TSPOAP1: variants seen among roughly 807,000 people sequenced by gnomAD.
TSPOAP1 encodes the protein peripheral-type benzodiazepine receptor-associated protein 1.
TSPOAP1 carries 87 observed loss-of-function variants against 197.0 expected under a neutral mutation model. The ratio of observed to expected loss-of-function variants is 0.44; its 90% CI spans 0.37 to 0.53. The LOEUF (loss-of-function observed/expected upper bound fraction) is 0.53, where lower values mean the gene tolerates loss of function less well. TSPOAP1 is among the 20% of genes least tolerant of loss of function. TSPOAP1 has a pLI of 0.00. For synonymous variants in TSPOAP1, 913 were observed against 998.9 expected, an observed-to-expected ratio of 0.91 and a Z score of 1.62; for missense variants, 2,174 against 2,411.3, an observed-to-expected ratio of 0.90 and a Z score of 2.06.
Position 58,306,395 on chromosome 17 carries a change from T to C in TSPOAP1, c.5171A>G (p.Tyr1724Cys). The C allele has an allele frequency of 6.4e-7, 1 of 1,554,488 alleles. No homozygotes were observed. The change falls in exon 26 of 32, where the codon TAC becomes TGC. Residue 1724 changes from tyrosine (Y) to cysteine (C), a missense_variant. Physicochemically the swap from Tyr to Cys is radical, Grantham distance 194. This residue lies in a region of TSPOAP1 where 161 missense variants were observed against 159.1 expected (regional missense o/e 1.01). Coordinates refer to ENST00000343736, the MANE Select transcript of TSPOAP1 (RefSeq NM_004758.4). ...AGGCCCAGTTGTGTGGGCTGTGGAG[T>C]ACACAAACGGACCATTCCCTGATCC... is the stretch of plus-strand genomic sequence containing the variant. ...LEGSGNGPFV[Y>C]STAHTTGPPP...
In TSPOAP1 at chr17:58,325,562, A is replaced by G; in HGVS notation, c.722T>C (p.Leu241Pro). The change falls in exon 4 of 32, where the codon CTG becomes CCG. Residue 241 changes from leucine (L) to proline (P), a missense_variant. Physicochemically the swap from Leu to Pro is moderately conservative, Grantham distance 98. This residue lies in a region of TSPOAP1 where 1,933 missense variants were observed against 2,139.0 expected (regional missense o/e 0.90). Transcript: ENST00000343736. ...GCCCACCAGAGTGAGCCTGGCCTGC[A>G]GCTCCCTGCACTCCCGCTGCAAGGC... ...IAALQRECRE[L>P]QARLTLVGKE... The G allele has an allele frequency of 6.2e-7, 1 of 1,612,892 alleles. No individual in the cohort carries two copies. The highest frequency in any genetic ancestry group is 1.1e-5 in the South Asian group (1 of 91,046).
intron 18 of TSPOAP1, 138 bp downstream of exon 18, chr17:58,311,433 T>C: frequency 7.5e-7 from 1 of 1,332,584 alleles, no homozygotes; most frequent in Non-Finnish European, 1.0e-6. Flanking sequence ...CCAAAGCCCA[T>C]GCTCTTAACC....
At chr17:58,323,569 G>A (rs1422036857) in intron 5 of TSPOAP1, 24 bp from the exon 6 acceptor site, 1 of 1,609,682 alleles carries the variant, frequency 6.2e-7, no homozygotes. Flanking sequence ...GGGGCAAGGG[G>A]CTGGCACCTG....
In TSPOAP1 at chr17:58,308,983, C is replaced by T. The variant is rs1475598520; in HGVS notation, c.4289G>A (p.Arg1430Gln). ...CTGGGGCCCATTGTTGCTGAGAAGT[C>T]GGCTGCAGTGTTCTCGGGGATCTGG... The part of the protein sequence containing the change: ...RPPDPREHCS[R>Q]LLSNNGPQAS... Residue 1430 changes from arginine (R) to glutamine (Q), a missense_variant, in exon 22 of 32, where the codon CGA (arginine) becomes CAA (glutamine). Physicochemically the swap from Arg to Gln is conservative, Grantham distance 43. Transcript: ENST00000343736. The T allele has an allele frequency of 1.9e-6, 3 of 1,611,228 alleles. No homozygotes were observed. The highest frequency in any genetic ancestry group is 2.5e-6 in the Non-Finnish European group (3 of 1,179,348).
Position 58,307,923 on chromosome 17 carries a change from C to T in TSPOAP1, c.4750G>A (p.Ala1584Thr), listed in dbSNP as rs139104560. The T allele has an allele frequency of 6.2e-7, 1 of 1,612,632 alleles. No homozygotes were observed. Among genetic ancestry groups the T allele is most frequent in the Non-Finnish European group, 8.5e-7 (1 of 1,179,678 alleles). The change falls in exon 23 of 32, where the codon GCC becomes ACC. Residue 1584 changes from alanine (A) to threonine (T), a missense_variant. Physicochemically the swap from Ala to Thr is moderately conservative, Grantham distance 58. This residue lies in a region of TSPOAP1 where 1,933 missense variants were observed against 2,139.0 expected (regional missense o/e 0.90). Coordinates refer to ENST00000343736, the MANE Select transcript of TSPOAP1 (RefSeq NM_004758.4). ...PLSRATETGEARGQDGSGRRG... is the reference protein window; with the variant it reads ...PLSRATETGETRGQDGSGRRG... Reference sequence around the variant, plus strand: ...CGCCCAGAGCCGTCCTGCCCTCTGGCCTCTCCGGTCTCTGTTGCCTGCAAA... The same window carrying T: ...CGCCCAGAGCCGTCCTGCCCTCTGGTCTCTCCGGTCTCTGTTGCCTGCAAA...
Position 58,304,315 on chromosome 17 carries a change from CAG to C in TSPOAP1, c.*32+21_*32+22del, listed in dbSNP as rs1350747752. The C allele has an allele frequency of 1.2e-5, 19 of 1,601,370 alleles. No individual in the cohort carries two copies. In the East Asian group the frequency reaches 3.6e-4, roughly 30 times the overall value. On this transcript the variant is annotated intron_variant, in intron 31 of 31. Transcript: ENST00000343736. This position sits in a 1 kb window ranked among gnomAD's most constrained non-coding sequence, Gnocchi z 4.2. ...GGTCAAGTGGGGGTGGACGGTCACA[CAG>C]GGGGGCAGTCCCCCACTTACATGTT...
In TSPOAP1 at chr17:58,322,194, C is replaced by T. The variant is rs1184000882; in HGVS notation, c.1422+114G>A. On this transcript the variant is annotated intron_variant, in intron 10 of 31. Coordinates refer to ENST00000343736, the MANE Select transcript of TSPOAP1 (RefSeq NM_004758.4). The surrounding 1 kb of genome is among the most constrained non-coding windows in gnomAD (Gnocchi z 5.0). ...GCTCAGGGACCTGGTCTTTGTTCCC[C>T]ACAGTCTCCCCGACGCCTAGCACAG... The T allele has an allele frequency of 9.3e-7, 1 of 1,074,694 alleles. No individual in the cohort carries two copies. The highest frequency in any genetic ancestry group is 1.6e-5 in the African/African-American group (1 of 63,670). The allele number at this position is 1,074,694 out of a possible 1,614,324, so 66.6% of individuals were successfully genotyped here. A position where few individuals can be genotyped will look rare whatever the true frequency, so the allele number is the denominator to read the frequency against.
At chr17:58,306,489 C>G (rs1245458250) in intron 25 of TSPOAP1, 76 bp from the exon 26 acceptor site, 2 of 1,340,076 alleles carry the variant, frequency 1.5e-6, no homozygotes, top group Non-Finnish European at 2.1e-6. Context: ...AGTTTCCTCT[C>G]AGGGCCGTGC....
In TSPOAP1 at chr17:58,310,548, T is replaced by C; in HGVS notation, c.3663A>G (p.Gly1221=). ...GCCTCAGCCCAGACCCTGGGTCTCC[T>C]CCTTGGCACATCTCGGTATTTGGCG... is the stretch of plus-strand genomic sequence containing the variant. ...QQAPNTEMCQ[G]GDPGSGLRPR... is the part of the protein sequence containing the mutation. The change falls in exon 20 of 32, where the codon GGA becomes GGG. Residue 1221 remains glycine (G), a synonymous_variant. Transcript: ENST00000343736. 4 of 1,613,280 alleles carry C rather than the reference T, an allele frequency of 2.5e-6. No homozygotes were observed. Among genetic ancestry groups the C allele is most frequent in the African/African-American group, 2.7e-5 (2 of 75,010 alleles).
At chr17:58,317,004 T>C (rs1971258494) in intron 14 of TSPOAP1, among the ~76,000 whole-genome samples, 2 of 152,140 alleles carry the variant, frequency 1.3e-5, no homozygotes. Flanking sequence ...GAGACCAGCG[T>C]GAGAAGCATA....
intron 25 of TSPOAP1, 86 bp from the exon 26 acceptor site, chr17:58,306,499 C>A: frequency 7.8e-7 from 1 of 1,277,664 alleles, no homozygotes; most frequent in Non-Finnish European, 1.1e-6. Flanking sequence ...CAGGGCCGTG[C>A]TAGGTTACTG....
Position 58,302,259 on chromosome 17 carries a change from G to A in TSPOAP1, c.*221C>T, listed in dbSNP as rs1188629911. 7 of 1,289,490 alleles carry A rather than the reference G, an allele frequency of 5.4e-6. No individual in the cohort carries two copies. The highest frequency in any genetic ancestry group is 7.1e-6 in the Non-Finnish European group (7 of 988,712). 79.9% of individuals were successfully genotyped at this position (1,289,490 alleles called of 1,614,324 possible). A position where few individuals can be genotyped will look rare whatever the true frequency, so the allele number is the denominator to read the frequency against. On this transcript the variant is annotated 3_prime_UTR_variant, in exon 32 of 32. Transcript: ENST00000343736. The stretch of plus-strand genomic sequence containing the variant: ...AGGGCCTCTTCTGCCTGCAGGATGG[G>A]CCACAGCTTCACTCCTTCTTCCCAG...
Position 58,316,009 on chromosome 17 carries a change from C to G in TSPOAP1, c.2098+14G>C. 1 of 1,594,006 alleles carries G rather than the reference C, an allele frequency of 6.3e-7. No individual in the cohort carries two copies. The highest frequency in any genetic ancestry group is 8.6e-7 in the Non-Finnish European group (1 of 1,161,842). On this transcript the variant is annotated intron_variant, in intron 16 of 31. Coordinates refer to ENST00000343736, the MANE Select transcript of TSPOAP1 (RefSeq NM_004758.4). ...CAGGGGAATGGACAGAATGACCCCC[C>G]ACTACATTCCTACCTTCAAAAAAGC... is the stretch of plus-strand genomic sequence containing the variant.
rs1376914368 is a variant in TSPOAP1, at chr17:58,319,207, G to A, written c.1582C>T (p.His528Tyr). 3.1e-6 allele frequency: 5 copies of A among 1,592,924 alleles called. No homozygotes were observed. In the East Asian group the frequency reaches 6.9e-5, roughly 22 times the overall value. The change falls in exon 13 of 32, where the codon CAC becomes TAC. Residue 528 changes from histidine (H) to tyrosine (Y), a missense_variant. Around this residue, in one of 5 missense-constraint regions of TSPOAP1, gnomAD observed 1,933 missense variants for 2,139.0 expected, o/e 0.90. Coordinates refer to ENST00000343736, the MANE Select transcript of TSPOAP1 (RefSeq NM_004758.4). ...LAQELQAFRL[H>Y]PGPLDLLTSA... ...GTGAGCAGATCCAAGGGGCCCGGGT[G>A]CAGGCGGAAAGCCTGGAGTTCCTGT...
chr17:58,314,421 G>A (rs1416729603), intron 16 of TSPOAP1, among the ~76,000 whole-genome samples: 1 of 152,206 alleles, frequency 6.6e-6, no homozygotes, highest in Non-Finnish European at 1.5e-5. Context: ...TTATCCGGGT[G>A]GGTCCTAAAT....
chr17:58,310,709 T>C lies in TSPOAP1; in HGVS notation c.3502A>G (p.Thr1168Ala), dbSNP rs1971052525. 6.2e-7 allele frequency: 1 copy of C among 1,612,832 alleles called. No homozygotes were observed. The highest frequency in any genetic ancestry group is 1.7e-5 in the Admixed American group (1 of 60,004). Reference sequence around the variant, plus strand: ...TCACCCAGGGTAGATGTGCTGGCTGTCCTCTCCTCTGAGGTGCCCAGCACT... The same window carrying C: ...TCACCCAGGGTAGATGTGCTGGCTGCCCTCTCCTCTGAGGTGCCCAGCACT... The part of the protein sequence containing the change: ...AAVLGTSEER[T>A]ASTSTLGEKD... Residue 1168 changes from threonine to alanine, a missense_variant, in exon 20 of 32, where the codon ACA (threonine) becomes GCA (alanine). Coordinates refer to ENST00000343736, the MANE Select transcript of TSPOAP1 (RefSeq NM_004758.4).
At position 58,326,809 on chromosome 17, in the gene TSPOAP1, G is replaced by A. The variant is rs905251320; in HGVS notation, c.334-19C>T. ...GCTTGGCCTGGCATGGGAAAGGACC[G>A]AGGACAGCACCTCAGAAACCCACGT... On this transcript the variant is annotated intron_variant, in intron 1 of 31. Transcript: ENST00000343736. This position sits in a 1 kb window ranked among gnomAD's most constrained non-coding sequence, Gnocchi z 4.7. 5.0e-6 allele frequency: 8 copies of A among 1,608,730 alleles called. No individual in the cohort carries two copies. The highest frequency in any genetic ancestry group is 3.3e-5 in the Admixed American group (2 of 59,950).
Position 58,308,923 on chromosome 17 carries a change from C to A in TSPOAP1, c.4349G>T (p.Gly1450Val), listed in dbSNP as rs774904368. 5.6e-6 allele frequency: 9 copies of A among 1,598,338 alleles called. No homozygotes were observed. The highest frequency in any genetic ancestry group is 7.7e-6 in the Non-Finnish European group (9 of 1,172,316). Reference protein sequence around the residue: ...SGRLGPTRERGGLPVIEGPRT... With the variant: ...SGRLGPTRERVGLPVIEGPRT... ...GGGGCCCTCAATTACGGGGAGGCCA[C>A]CCCTCTCCCGTGTGGGGCCCAGTCG... The change falls in exon 22 of 32, where the codon GGT becomes GTT. Residue 1450 changes from glycine (G) to valine (V), a missense_variant. Transcript: ENST00000343736.
chr17:58,320,957 G>C (rs776661846), intron 10 of TSPOAP1, among the ~76,000 whole-genome samples: 11 of 152,018 alleles, frequency 7.2e-5, no homozygotes, highest in Non-Finnish European at 1.5e-4. Context: ...CCTGGACCCA[G>C]TGCTGGGCCC....
Sources: gnomAD v4.1 joint callset for allele counts (sites outside exome capture counted in the v4.1 genomes callset) on GRCh38, gnomAD v4.1.1 for gene constraint, gnomAD v4.1.1 regional missense constraint, Gnocchi (gnomAD v3.1) non-coding constraint, MANE v1.5 for transcripts, NCBI Gene and HGNC (gene_info 2026-07-23, HGNC 2026-07-21) for gene names.